Variants in SAMTOR observed in about 807,000 individuals in gnomAD.
SAMTOR encodes the protein S-adenosylmethionine sensor upstream of mTORC1, also known as UPF0532 protein C7orf60.
At chr7:112,887,467 TAGAA>T in the SAMTOR span, among the ~76,000 whole-genome samples, 6 of 152,156 alleles carry the variant, frequency 3.9e-5, no homozygotes, top group Non-Finnish European at 7.3e-5. Context: ...CAGAATGAGT[TAGAA>T]AGTGTTCCCT....
the SAMTOR span, among the ~76,000 whole-genome samples, chr7:112,933,693 T>C: frequency 6.6e-6 from 1 of 152,324 alleles, no homozygotes; most frequent in Non-Finnish European, 1.5e-5. Flanking sequence ...AGTTCAATGT[T>C]TTCTCAAAAA....
At chr7:112,896,730 TAAC>T in the SAMTOR span, among the ~76,000 whole-genome samples, 3 of 152,038 alleles carry the variant, frequency 2.0e-5, no homozygotes, top group Admixed American at 6.6e-5. Flanking sequence ...TTACTATATA[TAAC>T]AATAAAAAAC....
chr7:112,935,686 T>C, the SAMTOR span, among the ~76,000 whole-genome samples: 3,482 of 152,284 alleles, frequency 0.023, 67 homozygotes, highest in Admixed American at 0.043. Flanking sequence ...ATTGAATAAT[T>C]TGATAAAATG....
At chr7:112,910,071 G>A in the SAMTOR span, among the ~76,000 whole-genome samples, 1 of 151,924 alleles carries the variant, frequency 6.6e-6, no homozygotes, top group Non-Finnish European at 1.5e-5. Context: ...TACAGAGCAA[G>A]AAAGTGCTCA....
the SAMTOR span, among the ~76,000 whole-genome samples, chr7:112,857,079 C>CTTTTTTTTT: frequency 2.8e-5 from 3 of 105,782 alleles, no homozygotes; most frequent in African/African-American, 7.5e-5. Flanking sequence ...TTCTTTTAAT[C>CTTTTTTTTT]TTTTTTTTTT....
At chr7:112,917,863 A>G in the SAMTOR span, among the ~76,000 whole-genome samples, 12 of 152,308 alleles carry the variant, frequency 7.9e-5, no homozygotes, top group South Asian at 2.1e-3. Flanking sequence ...GGAAGATGAA[A>G]TGAATGAAAT....
the SAMTOR span, among the ~76,000 whole-genome samples, chr7:112,900,511 C>A: frequency 6.6e-6 from 1 of 152,166 alleles, no homozygotes; most frequent in Non-Finnish European, 1.5e-5. Context: ...TAATGTTCGG[C>A]CAAATATCTG....
chr7:112,938,033 T>C, the SAMTOR span, among the ~76,000 whole-genome samples: 18 of 152,224 alleles, frequency 1.2e-4, no homozygotes, highest in African/African-American at 4.3e-4. Flanking sequence ...CATTTTTCTC[T>C]TTAGAAAGAT....
At chr7:112,851,380 G>A in the SAMTOR span, among the ~76,000 whole-genome samples, 1 of 152,004 alleles carries the variant, frequency 6.6e-6, no homozygotes, top group Admixed American at 6.6e-5. Flanking sequence ...GCAGAACCCA[G>A]AAATAAAGCT....
the SAMTOR span, among the ~76,000 whole-genome samples, chr7:112,837,399 C>A: frequency 1.3e-5 from 2 of 152,110 alleles, no homozygotes; most frequent in African/African-American, 4.8e-5. Flanking sequence ...AGTTGGACTT[C>A]TCTGCTTCTA....
the SAMTOR span, among the ~76,000 whole-genome samples, chr7:112,899,784 T>G: frequency 1.5e-5 from 1 of 65,266 alleles, no homozygotes; most frequent in Admixed American, 1.3e-4. Flanking sequence ...TTCAATGTGC[T>G]GAAGGAAAAA....
the SAMTOR span, among the ~76,000 whole-genome samples, chr7:112,921,159 A>G: frequency 6.6e-6 from 1 of 152,198 alleles, no homozygotes; most frequent in Non-Finnish European, 1.5e-5. Flanking sequence ...AGCCAAAAGA[A>G]CAAAGCTGGA....
the SAMTOR span, among the ~76,000 whole-genome samples, chr7:112,903,972 A>C: frequency 6.6e-6 from 1 of 152,090 alleles, no homozygotes; most frequent in South Asian, 2.1e-4. Flanking sequence ...TAAAAAAAAA[A>C]GCGGGTACTT....
the SAMTOR span, among the ~76,000 whole-genome samples, chr7:112,900,223 G>A: frequency 6.6e-6 from 1 of 152,146 alleles, no homozygotes; most frequent in Non-Finnish European, 1.5e-5. Flanking sequence ...CTATGCCTAA[G>A]CTGTAAAACC....
chr7:112,900,123 T>C, the SAMTOR span, among the ~76,000 whole-genome samples: 3 of 151,266 alleles, frequency 2.0e-5, no homozygotes, highest in Middle Eastern at 3.2e-3. Context: ...TATCTGTACA[T>C]ATATATATAT....
the SAMTOR span, among the ~76,000 whole-genome samples, chr7:112,845,327 T>C: frequency 6.6e-6 from 1 of 152,048 alleles, no homozygotes; most frequent in African/African-American, 2.4e-5. Context: ...GGAGAAAATA[T>C]TTACAAACTA....
At chr7:112,931,190 C>T in the SAMTOR span, among the ~76,000 whole-genome samples, 2 of 152,004 alleles carry the variant, frequency 1.3e-5, no homozygotes, top group Non-Finnish European at 2.9e-5. Context: ...ATGAATCCAA[C>T]GTGTAGCTAT....
the SAMTOR span, among the ~76,000 whole-genome samples, chr7:112,900,532 G>C: frequency 1.3e-5 from 2 of 152,146 alleles, no homozygotes; most frequent in African/African-American, 2.4e-5. Flanking sequence ...CGTACCTTTT[G>C]AATCAGTAAA....
chr7:112,835,123 G>T, the SAMTOR span, among the ~76,000 whole-genome samples: 1 of 152,090 alleles, frequency 6.6e-6, no homozygotes, highest in African/African-American at 2.4e-5. Context: ...CCTCCATGGG[G>T]GTGTCAGCAT....
Sources: allele counts gnomAD v4.1 joint callset (sites outside exome capture counted in the v4.1 genomes callset), GRCh38; gene constraint gnomAD v4.1.1; transcripts MANE v1.5; gene names NCBI Gene and HGNC (gene_info 2026-07-23, HGNC 2026-07-21).